SLC25A12: variants seen among roughly 807,000 people sequenced by gnomAD.
SLC25A12 encodes the protein electrogenic aspartate/glutamate antiporter SLC25A12, mitochondrial.
In SLC25A12, 32 loss-of-function variants were observed where a neutral mutation model predicts 83.3. The ratio of observed to expected loss-of-function variants is 0.38; its 90% CI spans 0.29 to 0.52. The LOEUF (loss-of-function observed/expected upper bound fraction) is 0.52, where lower values mean the gene tolerates loss of function less well. Among genes scored for constraint, SLC25A12 ranks in the 20% least tolerant of loss-of-function variants. The pLI is 0.84. For missense variants in SLC25A12, 611 were observed against 835.6 expected (o/e 0.73, Z 3.31); for synonymous variants, 267 against 291.1 (o/e 0.92, Z 0.84).
rs773002910 is a variant in SLC25A12, at chr2:171,894,234, G to T, written c.-20C>A. 1.9e-6 allele frequency: 3 copies of T among 1,608,284 alleles called. No homozygotes were observed. The highest frequency in any genetic ancestry group is 2.5e-6 in the Non-Finnish European group (3 of 1,177,462). On this transcript the variant is annotated 5_prime_UTR_variant, in exon 1 of 18. Coordinates refer to ENST00000422440, the MANE Select transcript of SLC25A12 (RefSeq NM_003705.5). ...CGCCATGCTGTGCTCGGAAGCCGGGGACGAGCGAGTGAGCGAGCAGGGCCG... is the reference window on the plus strand; with the variant it reads ...CGCCATGCTGTGCTCGGAAGCCGGGTACGAGCGAGTGAGCGAGCAGGGCCG...
intron 13 of SLC25A12, among the ~76,000 whole-genome samples, chr2:171,800,323 TCA>T (rs60362750): frequency 0.21 from 30,804 of 149,406 alleles, 3,715 homozygotes; most frequent in East Asian, 0.54. Flanking sequence ...AACAGATACT[TCA>T]CACACACACA....
intron 4 of SLC25A12, among the ~76,000 whole-genome samples, chr2:171,844,956 C>G (rs995839033): frequency 6.6e-6 from 1 of 152,108 alleles, no homozygotes; most frequent in African/African-American, 2.4e-5. Context: ...TTGATTATTA[C>G]ATTCACACTA....
Position 171,787,728 on chromosome 2 carries a change from AG to A in SLC25A12, c.1744+60del. ...ACAAATGTGGTAAAGATAGCCACTG[AG>A]TCACAGGGGAGGACGCTAGAGCCAG... On this transcript the variant is annotated intron_variant, in intron 16 of 17. Transcript: ENST00000422440. 2.5e-6 allele frequency: 4 copies of A among 1,606,308 alleles called. No individual in the cohort carries two copies. In the Admixed American group the frequency reaches 5.0e-5, roughly 20 times the overall value.
At chr2:171,791,343 A>G in intron 15 of SLC25A12, 108 bp downstream of exon 15, 1 of 939,752 alleles carries the variant, frequency 1.1e-6, no homozygotes, top group Non-Finnish European at 1.7e-6. Flanking sequence ...AAACTAAGTC[A>G]GGTACAAACA....
intron 5 of SLC25A12, among the ~76,000 whole-genome samples, chr2:171,839,380 C>T (rs1255062651): frequency 2.0e-5 from 3 of 152,132 alleles, no homozygotes; most frequent in African/African-American, 4.8e-5. Context: ...ATAAATAAAT[C>T]TTGGGTTAAA....
intron 5 of SLC25A12, among the ~76,000 whole-genome samples, chr2:171,841,688 T>C (rs967965609): frequency 1.3e-5 from 2 of 152,352 alleles, no homozygotes; most frequent in East Asian, 1.9e-4. Context: ...AAGAGGTTTT[T>C]ACATATGAAA....
chr2:171,788,265 C>A, intron 15 of SLC25A12: 1 of 239,986 alleles, frequency 4.2e-6, no homozygotes, highest in Non-Finnish European at 8.2e-6. Flanking sequence ...CTTTCAGTTT[C>A]AATTATTTTA....
At chr2:171,870,498 A>G (rs1026085589) in intron 2 of SLC25A12, among the ~76,000 whole-genome samples, 1 of 152,136 alleles carries the variant, frequency 6.6e-6, no homozygotes, top group Admixed American at 6.5e-5. Flanking sequence ...TCACGTGCCT[A>G]TAGTCCTAAC....
chr2:171,854,508 C>T (rs148607924), intron 4 of SLC25A12, among the ~76,000 whole-genome samples: 2,849 of 151,856 alleles, frequency 0.019, 57 homozygotes, highest in Admixed American at 0.068. Flanking sequence ...CAGGGGTTGC[C>T]GTGAGCCAAG....
intron 2 of SLC25A12, among the ~76,000 whole-genome samples, chr2:171,891,177 A>G (rs556604311): frequency 7.9e-5 from 12 of 152,204 alleles, no homozygotes; most frequent in African/African-American, 2.9e-4. Flanking sequence ...GTGGTGGCAC[A>G]TGCCTGTAAT....
intron 4 of SLC25A12, 28 bp downstream of exon 4, chr2:171,855,806 A>G (rs939255138): frequency 3.2e-6 from 4 of 1,252,544 alleles, no homozygotes; most frequent in Non-Finnish European, 4.7e-6. Flanking sequence ...TCATTAACTT[A>G]TCACTTATAA....
chr2:171,875,558 C>T (rs1685546023), intron 2 of SLC25A12, among the ~76,000 whole-genome samples: 1 of 152,074 alleles, frequency 6.6e-6, no homozygotes, highest in Non-Finnish European at 1.5e-5. Context: ...TGTTCACTAT[C>T]TGGATGACAG....
chr2:171,880,645 C>G (rs1243336297), intron 2 of SLC25A12, among the ~76,000 whole-genome samples: 1 of 152,170 alleles, frequency 6.6e-6, no homozygotes. Flanking sequence ...GTTTGGGGTA[C>G]AAATGATCCC....
At chr2:171,815,637 T>C (rs114772416) in intron 9 of SLC25A12, among the ~76,000 whole-genome samples, 2,365 of 152,298 alleles carry the variant, frequency 0.016, 44 homozygotes, top group Admixed American at 0.064. Context: ...TTAACTTGAT[T>C]CTTAAATCAG....
intron 15 of SLC25A12, 143 bp from the exon 16 acceptor site, chr2:171,788,090 GA>G: frequency 2.6e-6 from 2 of 770,506 alleles, no homozygotes; most frequent in South Asian, 1.6e-5. Context: ...CCATTAATGG[GA>G]AAAGGGCATA....
At chr2:171,873,326 T>A (rs948297264) in intron 2 of SLC25A12, among the ~76,000 whole-genome samples, 2 of 152,124 alleles carry the variant, frequency 1.3e-5, no homozygotes, top group African/African-American at 4.8e-5. Flanking sequence ...CACGCACCTG[T>A]AGACCCAACT....
intron 4 of SLC25A12, among the ~76,000 whole-genome samples, chr2:171,852,987 G>A (rs998327270): frequency 3.9e-5 from 6 of 152,044 alleles, no homozygotes; most frequent in African/African-American, 1.5e-4. Flanking sequence ...AGCTAGCCAG[G>A]GAATCCAGAA....
chr2:171,794,627 T>A (rs1175953797), intron 13 of SLC25A12, among the ~76,000 whole-genome samples: 5 of 151,866 alleles, frequency 3.3e-5, no homozygotes, highest in Non-Finnish European at 7.4e-5. Context: ...TCTACCAACT[T>A]CTTTTTTTTG....
intron 9 of SLC25A12, among the ~76,000 whole-genome samples, chr2:171,817,109 A>C (rs1214078060): frequency 6.6e-6 from 1 of 152,200 alleles, no homozygotes; most frequent in Admixed American, 6.5e-5. Context: ...GGCCCTCACC[A>C]GTAACTGAAT....
Sources: allele counts gnomAD v4.1 joint callset (sites outside exome capture counted in the v4.1 genomes callset), GRCh38; gene constraint gnomAD v4.1.1; transcripts MANE v1.5; gene names NCBI Gene and HGNC (gene_info 2026-07-23, HGNC 2026-07-21).